Variants in LOXL2 observed in about 807,000 individuals in gnomAD.
LOXL2 encodes lysyl oxidase homolog 2.
In LOXL2, 70 loss-of-function variants were observed where a neutral mutation model predicts 93.0. The observed-to-expected ratio is 0.75, with a 90% confidence interval of 0.62 to 0.92. The LOEUF is 0.92. Among genes scored for constraint, LOXL2 ranks in the 40% least tolerant of loss-of-function variants. The pLI, the probability that LOXL2 is intolerant of heterozygous loss-of-function variation, is 0.00. For synonymous variants in LOXL2, 438 were observed against 413.2 expected (o/e 1.06, Z -0.73); for missense variants, 973 against 1,054.9 (o/e 0.92, Z 1.08).
intron 3 of LOXL2, among the ~76,000 whole-genome samples, chr8:23,357,188 G>T (rs1390950851): frequency 6.6e-6 from 1 of 151,930 alleles, no homozygotes; most frequent in Non-Finnish European, 1.5e-5. Flanking sequence ...TCCTGCCTCA[G>T]CCTCCTGAGT....
At chr8:23,369,306 A>G (rs1804461473) in intron 1 of LOXL2, among the ~76,000 whole-genome samples, 1 of 152,146 alleles carries the variant, frequency 6.6e-6, no homozygotes, top group Admixed American at 6.5e-5. Flanking sequence ...ATCATGTAGC[A>G]AGAGACCTCG....
chr8:23,313,530 AAAAC>A (rs55655522), intron 9 of LOXL2, among the ~76,000 whole-genome samples: 14,808 of 151,856 alleles, frequency 0.098, 1,122 homozygotes, highest in African/African-American at 0.23. Flanking sequence ...AAACCTGAGA[AAAAC>A]AAGCAATGGG....
chr8:23,371,448 T>C (rs557405239), intron 1 of LOXL2, among the ~76,000 whole-genome samples: 2 of 152,270 alleles, frequency 1.3e-5, no homozygotes, highest in South Asian at 4.1e-4. Context: ...AAAATACATG[T>C]ATGATTAAAA....
intron 10 of LOXL2, among the ~76,000 whole-genome samples, chr8:23,304,848 C>T (rs570769620): frequency 7.2e-5 from 11 of 152,276 alleles, no homozygotes; most frequent in South Asian, 2.1e-4. Flanking sequence ...CTGCTGTGTA[C>T]GGGCAGTGGG....
At chr8:23,311,966 C>T (rs1173179674) in intron 9 of LOXL2, among the ~76,000 whole-genome samples, 1 of 152,062 alleles carries the variant, frequency 6.6e-6, no homozygotes, top group Admixed American at 6.5e-5. Flanking sequence ...GAGGCTAGGG[C>T]AAAACAAATA....
intron 9 of LOXL2, among the ~76,000 whole-genome samples, chr8:23,314,034 A>G (rs1379512565): frequency 5.5e-5 from 8 of 146,540 alleles, no homozygotes; most frequent in African/African-American, 2.0e-4. Context: ...CAAAAAACAC[A>G]TGAAAAAATG....
chr8:23,378,534 T>G (rs1804626648), intron 1 of LOXL2, among the ~76,000 whole-genome samples: 1 of 152,218 alleles, frequency 6.6e-6, no homozygotes. Context: ...CTGCAGAGTG[T>G]TTTCCAACTT....
At chr8:23,351,417 CCACAG>C (rs1371578812) in intron 3 of LOXL2, among the ~76,000 whole-genome samples, 3 of 152,280 alleles carry the variant, frequency 2.0e-5, no homozygotes, top group African/African-American at 7.2e-5. Context: ...AGCAACTGTC[CCACAG>C]GTTTCCTCAT....
chr8:23,391,128 C>A (rs1481757931), intron 1 of LOXL2, among the ~76,000 whole-genome samples: 1 of 152,110 alleles, frequency 6.6e-6, no homozygotes, highest in Non-Finnish European at 1.5e-5. Context: ...GTCCCTTCCA[C>A]AACATGTGGG....
chr8:23,317,239 G>T, intron 8 of LOXL2, 125 bp from the exon 9 acceptor site: 2 of 996,548 alleles, frequency 2.0e-6, no homozygotes, highest in Non-Finnish European at 3.1e-6. Flanking sequence ...GATCGAAACA[G>T]CACGGAGGGT....
chr8:23,379,771 T>C (rs1804650150), intron 1 of LOXL2, among the ~76,000 whole-genome samples: 1 of 152,198 alleles, frequency 6.6e-6, no homozygotes, highest in African/African-American at 2.4e-5. Flanking sequence ...GTGTGCTGTT[T>C]GCTAAGACCA....
At chr8:23,309,098 C>T (rs1346459089) in intron 10 of LOXL2, among the ~76,000 whole-genome samples, 3 of 151,828 alleles carry the variant, frequency 2.0e-5, no homozygotes, top group East Asian at 1.9e-4. Flanking sequence ...CATTCTCCTG[C>T]CTCAGCCTCC....
chr8:23,402,414 C>T lies in LOXL2; in HGVS notation c.-84+1540G>A, dbSNP rs149734344. ...GGCCCATGGGGAGCACGCATCTTGTCATGGCTCTGGTGGCCATTCCAGGGC... is the reference window on the plus strand; with the variant it reads ...GGCCCATGGGGAGCACGCATCTTGTTATGGCTCTGGTGGCCATTCCAGGGC... On this transcript the variant is annotated intron_variant, in intron 1 of 13. Coordinates refer to ENST00000389131, the MANE Select transcript of LOXL2 (RefSeq NM_002318.3). Among the ~76,000 whole-genome samples, 247 of 152,318 alleles carry T rather than the reference C, an allele frequency of 1.6e-3. 1 individual carries two copies. The Middle Eastern group carries it at 0.034, about 21-fold the overall frequency.
chr8:23,360,113 T>G lies in LOXL2; in HGVS notation c.508A>C (p.Asn170His). Residue 170 changes from asparagine to histidine, a missense_variant, in exon 3 of 14, where the codon AAT becomes CAT. Transcript: ENST00000389131. ...GCCTCTATCTGGTTGATCAACGAAT[T>G]GTCAAATTTGAACCCAGGAATCCTT... ...DKRIPGFKFD[N>H]SLINQIENLN... The G allele has an allele frequency of 6.2e-7, 1 of 1,605,396 alleles. No individual in the cohort carries two copies. The highest frequency in any genetic ancestry group is 8.5e-7 in the Non-Finnish European group (1 of 1,172,426).
At chr8:23,343,116 T>C (rs1803911571) in intron 3 of LOXL2, among the ~76,000 whole-genome samples, 1 of 152,194 alleles carries the variant, frequency 6.6e-6, no homozygotes, top group Admixed American at 6.5e-5. Context: ...AATACCCTAA[T>C]ATTGAGCAAG....
chr8:23,330,363 TAAAAC>T (rs1803652922), intron 5 of LOXL2, among the ~76,000 whole-genome samples: 1 of 130,586 alleles, frequency 7.7e-6, no homozygotes, highest in Non-Finnish European at 1.7e-5. Context: ...CAAAACAAAA[TAAAAC>T]AAAAAAAATC....
chr8:23,333,497 G>T lies in LOXL2; in HGVS notation c.870C>A (p.Thr290=), dbSNP rs142714689. 3.2e-5 allele frequency: 52 copies of T among 1,614,006 alleles called. No homozygotes were observed. In the African/African-American group the frequency reaches 6.1e-4, roughly 19 times the overall value. Residue 290 remains threonine (T), a synonymous_variant, in exon 5 of 14, where the codon ACC becomes ACA. Coordinates refer to ENST00000389131, the MANE Select transcript of LOXL2 (RefSeq NM_002318.3). ...QVSLDPMKNV[T]CENGLPAVVS... Reference sequence around the variant, plus strand: ...CCACGGCCGGTAGCCCATTCTCGCAGGTGACATTCTTCATGGGGTCCAGTG... The same window carrying T: ...CCACGGCCGGTAGCCCATTCTCGCATGTGACATTCTTCATGGGGTCCAGTG...
intron 1 of LOXL2, among the ~76,000 whole-genome samples, chr8:23,396,664 C>T (rs1034338383): frequency 6.6e-6 from 1 of 152,222 alleles, no homozygotes; most frequent in Admixed American, 6.5e-5. Context: ...TCTTTCAAAT[C>T]ACAGATTATT....
chr8:23,386,561 C>T (rs1804763474), intron 1 of LOXL2, among the ~76,000 whole-genome samples: 1 of 152,140 alleles, frequency 6.6e-6, no homozygotes, highest in South Asian at 2.1e-4. Flanking sequence ...AGTCCTTGCT[C>T]AGAGATCTTA....
Sources: allele counts gnomAD v4.1 joint callset (sites outside exome capture counted in the v4.1 genomes callset), GRCh38; gene constraint gnomAD v4.1.1; transcripts MANE v1.5; gene names NCBI Gene and HGNC (gene_info 2026-07-23, HGNC 2026-07-21).